Variants in BOLL observed in about 807,000 individuals in gnomAD.
BOLL encodes the protein boule RNA binding protein, also known as protein boule-like.
In BOLL, 23 loss-of-function variants were observed where a neutral mutation model predicts 44.4. That is an observed-to-expected ratio of 0.52 (90% CI 0.37 to 0.73). The LOEUF (loss-of-function observed/expected upper bound fraction) is 0.73, where lower values mean the gene tolerates loss of function less well. Among genes scored for constraint, BOLL ranks in the 30% least tolerant of loss-of-function variants. The pLI is 0.00. For synonymous variants in BOLL, 97 were observed against 110.8 expected (o/e 0.88, Z 0.78); for missense variants, 287 against 338.3 (o/e 0.85, Z 1.19).
In BOLL at chr2:197,785,209, C is replaced by T. The variant is rs925185559; in HGVS notation, c.-169G>A. 4 of 985,920 alleles carry T rather than the reference C, an allele frequency of 4.1e-6. No individual in the cohort carries two copies. Among genetic ancestry groups the T allele is most frequent in the South Asian group, 4.7e-5 (1 of 21,286 alleles). 61.1% of individuals were successfully genotyped at this position (985,920 alleles called of 1,614,324 possible). ...GATCCACCCCCTCCCCACCAAAGTG[C>T]GGGAGGGAAAAGAAGGCTAGCCAGC... On this transcript the variant is annotated 5_prime_UTR_variant, in exon 1 of 11. Coordinates refer to ENST00000392296, the MANE Select transcript of BOLL (RefSeq NM_033030.6). The surrounding 1 kb of genome is among the most constrained non-coding windows in gnomAD (Gnocchi z 6.7).
intron 8 of BOLL, among the ~76,000 whole-genome samples, chr2:197,756,780 T>C (rs1688533918): frequency 6.6e-6 from 1 of 152,158 alleles, no homozygotes; most frequent in Admixed American, 6.5e-5. Flanking sequence ...CACTAGAACT[T>C]CTTAATGACT....
At chr2:197,785,963 G>A (rs1457238081), upstream of BOLL, 2 of 1,583,778 alleles carry the variant, frequency 1.3e-6, no homozygotes, top group African/African-American at 2.7e-5. The surrounding 1 kb of genome is among the most constrained non-coding windows in gnomAD (Gnocchi z 6.7). Context: ...GCGCCCTGGG[G>A]CCCTGATCGC....
intron 9 of BOLL, among the ~76,000 whole-genome samples, chr2:197,749,008 G>A (rs903541623): frequency 6.6e-6 from 1 of 152,230 alleles, no homozygotes; most frequent in African/African-American, 2.4e-5. Flanking sequence ...TCTGGTGGGT[G>A]TCCCTCTGGG....
intron 9 of BOLL, among the ~76,000 whole-genome samples, chr2:197,745,565 G>T (rs1687951457): frequency 6.6e-6 from 1 of 152,164 alleles, no homozygotes; most frequent in African/African-American, 2.4e-5. Flanking sequence ...TGCCAAAAGA[G>T]ATTCTGACAA....
chr2:197,729,329 C>G lies in BOLL; in HGVS notation c.829-751G>C, dbSNP rs533458524. Among the ~76,000 whole-genome samples the G allele has an allele frequency of 2.4e-4, 36 of 152,280 alleles. No homozygotes were observed. The South Asian group carries it at 7.1e-3, about 30-fold the overall frequency. On this transcript the variant is annotated intron_variant, in intron 10 of 10. Transcript: ENST00000392296. ...GGAGGGTCCTACGCCCACGGAGTCT[C>G]GCTGATTGCTAGCACAGCAGTCTGA...
At chr2:197,773,555 TTC>T (rs905892694) in intron 5 of BOLL, among the ~76,000 whole-genome samples, 131 of 152,042 alleles carry the variant, frequency 8.6e-4, no homozygotes, top group African/African-American at 3.0e-3. Context: ...TATATAAAAT[TTC>T]TCTCTATATA....
Position 197,781,803 on chromosome 2 carries a change from C to T in BOLL, c.48G>A (p.Val16=). Residue 16 remains valine (V), a synonymous_variant, in exon 2 of 11, where the codon GTG becomes GTA. Coordinates refer to ENST00000392296, the MANE Select transcript of BOLL (RefSeq NM_033030.6). ...LSPSPNPVSP[V]PLNNPTSAPR... The stretch of plus-strand genomic sequence containing the variant: ...GGGCACTTGTTGGGTTATTCAAAGG[C>T]ACAGGTGACACAGGATTAGGGGATG... 1 of 1,608,028 alleles carries T rather than the reference C, an allele frequency of 6.2e-7. No homozygotes were observed. The highest frequency in any genetic ancestry group is 8.5e-7 in the Non-Finnish European group (1 of 1,175,830).
chr2:197,728,768 C>A (rs1426430152), intron 10 of BOLL, among the ~76,000 whole-genome samples, 190 bp from the exon 11 acceptor site: 2 of 152,164 alleles, frequency 1.3e-5, no homozygotes, highest in Non-Finnish European at 2.9e-5. Context: ...GGAAAACCTG[C>A]TCTCTGAGAG....
chr2:197,747,582 CAAAAAAAAAAAAA>C (rs59385223), intron 9 of BOLL, among the ~76,000 whole-genome samples: 1 of 60,176 alleles, frequency 1.7e-5, no homozygotes, highest in Admixed American at 2.6e-4. Flanking sequence ...GACTCGGGCT[CAAAAAAAAAAAAA>C]AAAAAAAAAA....
At chr2:197,781,676 G>C in intron 2 of BOLL, 46 bp downstream of exon 2, 4 of 1,399,334 alleles carry the variant, frequency 2.9e-6, no homozygotes, top group Non-Finnish European at 3.8e-6. Context: ...GAGAAATAAA[G>C]ACTTCTAATG....
intron 2 of BOLL, among the ~76,000 whole-genome samples, chr2:197,779,761 A>G (rs1689683007): frequency 6.6e-6 from 1 of 152,038 alleles, no homozygotes; most frequent in Admixed American, 6.6e-5. Context: ...TTTAATTGAA[A>G]TAGTCTGATA....
At chr2:197,773,707 G>T (rs1158531292) in intron 5 of BOLL, among the ~76,000 whole-genome samples, 4 of 151,874 alleles carry the variant, frequency 2.6e-5, no homozygotes, top group Non-Finnish European at 5.9e-5. Flanking sequence ...GGAACTGAAA[G>T]AAGGCTACAT....
At chr2:197,771,704 G>T in intron 6 of BOLL, 151 bp downstream of exon 6, 1 of 929,614 alleles carries the variant, frequency 1.1e-6, no homozygotes, top group Non-Finnish European at 1.5e-6. Flanking sequence ...AAGAACTTAA[G>T]TAAATGTGGC....
intron 2 of BOLL, among the ~76,000 whole-genome samples, chr2:197,781,196 A>G (rs1574871124): frequency 6.6e-6 from 1 of 152,220 alleles, no homozygotes; most frequent in South Asian, 2.1e-4. Context: ...TATTCTGACA[A>G]GGACACAGGA....
Position 197,775,760 on chromosome 2 carries a change from AATTATTTT to A in BOLL, c.277-28_277-21del. On this transcript the variant is annotated intron_variant, in intron 4 of 10. Transcript: ENST00000392296. ...TTCAGCCTAAAATAAAGAAAAAAGA[AATTATTTT>A]ATTATTTTAGCACTATTATTTATAA... 7.3e-7 allele frequency: 1 copy of A among 1,376,218 alleles called. No homozygotes were observed. Among genetic ancestry groups the A allele is most frequent in the Non-Finnish European group, 9.9e-7 (1 of 1,009,346 alleles). 85.3% of individuals were successfully genotyped at this position (1,376,218 alleles called of 1,614,324 possible).
Position 197,757,410 on chromosome 2 carries a change from A to C in BOLL, c.553-10T>G. 3 of 1,605,520 alleles carry C rather than the reference A, an allele frequency of 1.9e-6. No homozygotes were observed. The highest frequency in any genetic ancestry group is 2.5e-6 in the Non-Finnish European group (3 of 1,176,730). ...AATACTGTGTGGTGGCCTAAAATTA[A>C]ATAAAAGAAAAGAAAAACCCATTCT... On this transcript the variant is annotated splice_polypyrimidine_tract_variant and intron_variant, in intron 7 of 10. Coordinates refer to ENST00000392296, the MANE Select transcript of BOLL (RefSeq NM_033030.6).
intron 10 of BOLL, among the ~76,000 whole-genome samples, chr2:197,742,557 T>G (rs187926444): frequency 0.12 from 18,046 of 151,646 alleles, 1,419 homozygotes; most frequent in Middle Eastern, 0.24. Context: ...AGCAAACTAT[T>G]GCAAGGACAA....
chr2:197,728,618 TG>T, intron 10 of BOLL, 40 bp from the exon 11 acceptor site: 1 of 1,415,492 alleles, frequency 7.1e-7, no homozygotes, highest in Non-Finnish European at 9.9e-7. Context: ...GAAGACTGAA[TG>T]GAAAAAAAAA....
At chr2:197,731,108 G>A (rs1368088257) in intron 10 of BOLL, among the ~76,000 whole-genome samples, 2 of 152,044 alleles carry the variant, frequency 1.3e-5, no homozygotes, top group African/African-American at 4.8e-5. Flanking sequence ...AAAATAAAAG[G>A]ATGGAGGAAG....
Sources: gnomAD v4.1 joint callset for allele counts (sites outside exome capture counted in the v4.1 genomes callset) on GRCh38, gnomAD v4.1.1 for gene constraint, Gnocchi (gnomAD v3.1) non-coding constraint, MANE v1.5 for transcripts, NCBI Gene and HGNC (gene_info 2026-07-23, HGNC 2026-07-21) for gene names.